Variants in MYH11 observed in about 807,000 individuals in gnomAD.
The protein encoded by MYH11 is myosin-11.
Under a neutral mutation model 246.6 loss-of-function variants are expected in MYH11, and 80 were observed. The observed-to-expected ratio is 0.32, with a 90% CI of 0.27 to 0.39. The LOEUF is 0.39. Ranked by LOEUF, MYH11 falls within the 10% of genes least tolerant of loss-of-function variation. MYH11 has a pLI of 1.00. For synonymous variants in MYH11, 1,071 were observed against 1,015.5 expected (o/e 1.05, Z -1.04); for missense variants, 2,158 against 2,546.8 (o/e 0.85, Z 3.29).
chr16:15,770,998 AC>A (rs1255077993), intron 9 of MYH11, among the ~76,000 whole-genome samples: 3 of 146,222 alleles, frequency 2.1e-5, no homozygotes, highest in Admixed American at 1.4e-4. Context: ...GAATTCCTGA[AC>A]TTTTTTTTTT....
intron 3 of MYH11, 45 bp downstream of exon 3, chr16:15,823,210 A>C: frequency 6.2e-7 from 1 of 1,612,374 alleles, no homozygotes; most frequent in Admixed American, 1.7e-5. Flanking sequence ...GCAGGACAGG[A>C]GGGGCTCCCT....
Position 15,769,093 on chromosome 16 carries a change from A to G in MYH11, c.1033+2476T>C, listed in dbSNP as rs536671856. 3.9e-5 allele frequency among the ~76,000 whole-genome samples: 6 copies of G among 152,318 alleles called. No individual in the cohort carries two copies. In the South Asian group the frequency reaches 1.2e-3, roughly 32 times the overall value. On this transcript the variant is annotated intron_variant, in intron 9 of 40. Coordinates refer to ENST00000300036, the MANE Select transcript of MYH11 (RefSeq NM_002474.3). ...TTTGGGAGGCCAAGATGGGTGGATC[A>G]TCTGAGGTCAGGAGTTTAAGACCAG...
chr16:15,828,803 AGAAGGAAG>A (rs370774038), intron 2 of MYH11, among the ~76,000 whole-genome samples: 1 of 143,686 alleles, frequency 7.0e-6, no homozygotes, highest in Non-Finnish European at 1.5e-5. Flanking sequence ...AAAAAAAAAA[AGAAGGAAG>A]GAAGGAAGGA....
intron 26 of MYH11, among the ~76,000 whole-genome samples, chr16:15,735,051 T>C (rs1446458946): frequency 6.6e-6 from 1 of 151,674 alleles, no homozygotes; most frequent in Non-Finnish European, 1.5e-5. Flanking sequence ...TGGTGGCACA[T>C]ACCTGTAATC....
chr16:15,756,793 CTTTTTT>C (rs60486632), intron 13 of MYH11, among the ~76,000 whole-genome samples: 1 of 84,560 alleles, frequency 1.2e-5, no homozygotes. Context: ...GTTCATAACT[CTTTTTT>C]TTTTTTTTTT....
intron 2 of MYH11, among the ~76,000 whole-genome samples, chr16:15,836,487 T>C (rs1269301738): frequency 4.0e-5 from 6 of 151,566 alleles, no homozygotes; most frequent in African/African-American, 1.5e-4. Context: ...GCAACCTCCA[T>C]CTCCCAGGTT....
At chr16:15,841,996 G>C (rs775179084) in intron 1 of MYH11, among the ~76,000 whole-genome samples, 1 of 152,298 alleles carries the variant, frequency 6.6e-6, no homozygotes, top group Admixed American at 6.5e-5. Context: ...CAACCTTTTG[G>C]GTGATGCAGA....
At chr16:15,775,992 G>A in intron 8 of MYH11, 86 bp downstream of exon 8, 1 of 1,003,510 alleles carries the variant, frequency 1.0e-6, no homozygotes, top group Non-Finnish European at 1.6e-6. Flanking sequence ...ATCTGAGACT[G>A]TTTTAATAGC....
intron 3 of MYH11, among the ~76,000 whole-genome samples, chr16:15,802,115 T>C (rs1169781922): frequency 3.9e-5 from 6 of 152,228 alleles, no homozygotes; most frequent in African/African-American, 1.2e-4. Context: ...CCAAAAATGG[T>C]CAATAGAAAA....
chr16:15,825,383 C>T (rs1002918220), intron 2 of MYH11, among the ~76,000 whole-genome samples: 13 of 119,592 alleles, frequency 1.1e-4, no homozygotes, highest in African/African-American at 4.5e-4. Flanking sequence ...GACCCCCTCT[C>T]TACAAAAAAA....
At chr16:15,819,838 CA>C in intron 3 of MYH11, among the ~76,000 whole-genome samples, 1 of 152,156 alleles carries the variant, frequency 6.6e-6, no homozygotes. Context: ...TCTAGGAAAG[CA>C]AAAGTCCCCA....
At chr16:15,799,512 C>A (rs1467174094) in intron 3 of MYH11, among the ~76,000 whole-genome samples, 3 of 152,202 alleles carry the variant, frequency 2.0e-5, no homozygotes, top group African/African-American at 7.2e-5. Flanking sequence ...GTCAGTCTCT[C>A]TTGTTTACCA....
At chr16:15,723,959 A>G (rs2040613945) in intron 31 of MYH11, among the ~76,000 whole-genome samples, 1 of 152,228 alleles carries the variant, frequency 6.6e-6, no homozygotes, top group Non-Finnish European at 1.5e-5. Context: ...ACAGTCATCA[A>G]GGCTTCTTTG....
intron 9 of MYH11, among the ~76,000 whole-genome samples, chr16:15,766,105 G>C (rs1189436559): frequency 6.6e-6 from 1 of 152,092 alleles, no homozygotes; most frequent in Non-Finnish European, 1.5e-5. Context: ...AATGTCACCA[G>C]ATACTACTCA....
In MYH11 at chr16:15,838,266, TC is replaced by T. The variant is rs776455558; in HGVS notation, c.-15del. 8 of 1,613,100 alleles carry T rather than the reference TC, an allele frequency of 5.0e-6. No individual in the cohort carries two copies. The South Asian group carries it at 8.8e-5, about 18-fold the overall frequency. ...CTTCTGCGCCATGGTGCCTTGTTGGTCCCCTGTGGAATAAGGTAACAGGGTC... is the reference window on the plus strand; with the variant it reads ...CTTCTGCGCCATGGTGCCTTGTTGGTCCCTGTGGAATAAGGTAACAGGGTC... On this transcript the variant is annotated splice_region_variant and 5_prime_UTR_variant, in exon 2 of 41. Transcript: ENST00000300036.
At chr16:15,854,341 C>A (rs780439572) in intron 1 of MYH11, among the ~76,000 whole-genome samples, 2 of 152,164 alleles carry the variant, frequency 1.3e-5, no homozygotes, top group Non-Finnish European at 2.9e-5. Flanking sequence ...TGTGCTAAAC[C>A]CTTCATACAC....
At chr16:15,759,496 T>C (rs2041816472) in intron 12 of MYH11, 80 bp downstream of exon 12, 2 of 1,595,130 alleles carry the variant, frequency 1.3e-6, no homozygotes, top group African/African-American at 2.7e-5. Context: ...CATGCCTTTC[T>C]CCAAAATCAT....
chr16:15,793,601 G>GTTTCT (rs1567179391), intron 4 of MYH11, among the ~76,000 whole-genome samples: 14 of 142,520 alleles, frequency 9.8e-5, no homozygotes, highest in African/African-American at 3.2e-4. Context: ...CCAATTTTCA[G>GTTTCT]TTTCTTTTCT....
chr16:15,827,050 T>A (rs992077383), intron 2 of MYH11, among the ~76,000 whole-genome samples: 4 of 149,838 alleles, frequency 2.7e-5, no homozygotes, highest in Admixed American at 6.6e-5. Context: ...AGACGGAGGT[T>A]CTCACCATCC....
Sources: allele counts gnomAD v4.1 joint callset (sites outside exome capture counted in the v4.1 genomes callset), GRCh38; gene constraint gnomAD v4.1.1; transcripts MANE v1.5; gene names NCBI Gene and HGNC (gene_info 2026-07-23, HGNC 2026-07-21).